OSGIN2: variants seen among roughly 807,000 people sequenced by gnomAD.
OSGIN2 encodes the protein oxidative stress-induced growth inhibitor 2.
A neutral mutation model predicts 53.8 loss-of-function variants in OSGIN2; 19 were observed. That is an observed-to-expected ratio of 0.35 (90% CI 0.25 to 0.52). OSGIN2 has a LOEUF of 0.52. Among genes scored for constraint, OSGIN2 ranks in the 20% least tolerant of loss-of-function variants. The probability of loss-of-function intolerance (pLI) is 0.95; values close to 1 mark genes in which losing one functional copy is unlikely to be tolerated. For missense variants in OSGIN2, 520 were observed against 662.7 expected (o/e 0.78, Z 2.36); for synonymous variants, 236 against 236.0 (o/e 1.00, Z 0.00).
Position 89,924,858 on chromosome 8 carries a change from T to A in OSGIN2, c.976T>A (p.Phe326Ile). Residue 326 changes from phenylalanine to isoleucine, a missense_variant, in exon 6 of 6, where the codon TTT (phenylalanine) becomes ATT (isoleucine). Phe to Ile is a conservative substitution (Grantham distance 21). This residue lies in a region of OSGIN2 where 239 missense variants were observed against 328.3 expected (regional missense o/e 0.73). Transcript: ENST00000451899. The stretch of plus-strand genomic sequence containing the variant: ...TGAAGGGGAAGATTTTCCTTTTGTG[T>A]TTCATTCAATGCCTGAATTTGGAGC... ...EIEGEDFPFV[F>I]HSMPEFGAAI... is the part of the protein sequence containing the mutation. 1 of 1,614,188 alleles carries A rather than the reference T, an allele frequency of 6.2e-7. No individual in the cohort carries two copies. The highest frequency in any genetic ancestry group is 2.2e-5 in the East Asian group (1 of 44,872).
At chr8:89,921,205 T>A in intron 5 of OSGIN2, 34 bp downstream of exon 5, 1 of 1,269,374 alleles carries the variant, frequency 7.9e-7, no homozygotes, top group Non-Finnish European at 1.1e-6. Flanking sequence ...TTCTTTGGTG[T>A]ACGTTGAAAA....
intron 1 of OSGIN2, among the ~76,000 whole-genome samples, chr8:89,907,664 T>A (rs576984545): frequency 6.6e-6 from 1 of 152,230 alleles, no homozygotes; most frequent in South Asian, 2.1e-4. Context: ...ACTGTAGCCC[T>A]GTAGAATAGT....
chr8:89,910,683 A>C (rs1218489549), intron 2 of OSGIN2, among the ~76,000 whole-genome samples: 1 of 152,164 alleles, frequency 6.6e-6, no homozygotes, highest in Non-Finnish European at 1.5e-5. Flanking sequence ...CCTTACCTCT[A>C]ACCTTGGTTT....
chr8:89,905,835 A>T (rs534948407), intron 1 of OSGIN2, among the ~76,000 whole-genome samples: 1 of 152,266 alleles, frequency 6.6e-6, no homozygotes, highest in Non-Finnish European at 1.5e-5. Context: ...TATAAATTCA[A>T]CGGTGTTGCA....
At position 89,914,738 on chromosome 8, in the gene OSGIN2, G is replaced by C; in HGVS notation, c.520G>C (p.Ala174Pro). The change falls in exon 4 of 6, where the codon GCT becomes CCT. Residue 174 changes from alanine to proline, a missense_variant. By Grantham distance (27) the Ala-to-Pro change is conservative. Around this residue, in one of 3 missense-constraint regions of OSGIN2, gnomAD observed 203 missense variants for 275.3 expected, o/e 0.74. Transcript: ENST00000451899. Reference sequence around the variant, plus strand: ...TCTTGGTAAAGGTCCACCTGGTGGGGCTTGGCATGTGAGTATATTTTTCTT... The same window carrying C: ...TCTTGGTAAAGGTCCACCTGGTGGGCCTTGGCATGTGAGTATATTTTTCTT... Reference protein sequence around the residue: ...VVLGKGPPGGAWHNMEGSMLT... With the variant: ...VVLGKGPPGGPWHNMEGSMLT... 6.2e-7 allele frequency: 1 copy of C among 1,612,098 alleles called. No individual in the cohort carries two copies. Among genetic ancestry groups the C allele is most frequent in the South Asian group, 1.1e-5 (1 of 90,962 alleles).
chr8:89,921,057 T>C (rs199657462), intron 4 of OSGIN2, 23 bp from the exon 5 acceptor site: 2 of 724,884 alleles, frequency 2.8e-6, no homozygotes, highest in African/African-American at 3.7e-5. Flanking sequence ...TGACGGTACA[T>C]TTTTTTTTTT....
At chr8:89,916,642 TTC>T (rs780697102) in intron 4 of OSGIN2, among the ~76,000 whole-genome samples, 35 of 152,344 alleles carry the variant, frequency 2.3e-4, no homozygotes, top group African/African-American at 8.2e-4. Flanking sequence ...CTTCATATAG[TTC>T]TCTGTTTCTC....
In OSGIN2 at chr8:89,927,586, TCTC is replaced by T. The variant is rs1374780223; in HGVS notation, c.*2060_*2062del. The T allele has an allele frequency of 2.6e-5, 4 of 152,222 alleles. No homozygotes were observed. Among genetic ancestry groups the T allele is most frequent in the Non-Finnish European group, 4.4e-5 (3 of 68,042 alleles). The allele number at this position is 152,222 out of a possible 1,614,324, so 9.4% of individuals were successfully genotyped here. A position where few individuals can be genotyped will look rare whatever the true frequency, so the allele number is the denominator to read the frequency against. ...GTCTAGTTATAGCATGATGTGAGCA[TCTC>T]CTCCTTATCCCTCGATGCCTGGCTT... On this transcript the variant is annotated 3_prime_UTR_variant, in exon 6 of 6. Transcript: ENST00000451899.
At chr8:89,906,788 A>G (rs1026551750) in intron 1 of OSGIN2, among the ~76,000 whole-genome samples, 5 of 152,202 alleles carry the variant, frequency 3.3e-5, no homozygotes, top group African/African-American at 4.8e-5. Flanking sequence ...TCCTTTGGGT[A>G]TATACCCAGT....
At chr8:89,911,098 T>A (rs1808958264) in intron 2 of OSGIN2, among the ~76,000 whole-genome samples, 1 of 152,160 alleles carries the variant, frequency 6.6e-6, no homozygotes, top group African/African-American at 2.4e-5. Context: ...TAGGGAAGAA[T>A]GTTTCCTTTT....
intron 4 of OSGIN2, among the ~76,000 whole-genome samples, chr8:89,916,823 C>T (rs1586005197): frequency 6.6e-6 from 1 of 152,170 alleles, no homozygotes; most frequent in East Asian, 1.9e-4. Flanking sequence ...ATACCATTCC[C>T]ACTGTAGCCC....
chr8:89,909,037 A>T (rs60057244), intron 1 of OSGIN2, among the ~76,000 whole-genome samples: 4,384 of 81,388 alleles, frequency 0.054, 95 homozygotes, highest in Non-Finnish European at 0.069. Context: ...AAAAAAAAAA[A>T]ATATATATAT....
At chr8:89,903,407 A>C (rs980980320) in intron 1 of OSGIN2, among the ~76,000 whole-genome samples, 1 of 152,222 alleles carries the variant, frequency 6.6e-6, no homozygotes, top group Non-Finnish European at 1.5e-5. Context: ...AAATAAAAGT[A>C]TGTTTTCTAG....
chr8:89,902,564 A>C (rs997627624), upstream of OSGIN2: 2 of 152,736 alleles, frequency 1.3e-5, no homozygotes, highest in African/African-American at 4.8e-5. Flanking sequence ...CCCCGAGATC[A>C]CCCGCCTCCG....
chr8:89,924,480 T>C, intron 5 of OSGIN2, 23 bp from the exon 6 acceptor site: 1 of 1,533,308 alleles, frequency 6.5e-7, no homozygotes, highest in Non-Finnish European at 8.8e-7. Context: ...CCTTATAGGA[T>C]ATTTTTCCTT....
chr8:89,925,801 CT>C lies in OSGIN2; in HGVS notation c.*271del, dbSNP rs1809313494. On this transcript the variant is annotated 3_prime_UTR_variant, in exon 6 of 6. Coordinates refer to ENST00000451899, the MANE Select transcript of OSGIN2 (RefSeq NM_001126111.3). The stretch of plus-strand genomic sequence containing the variant: ...ACTAAAACATTCTTTTCTTGCAAAA[CT>C]TATTTTTCATGATCATTTTTGGTTA... 3 of 345,898 alleles carry C rather than the reference CT, an allele frequency of 8.7e-6. No homozygotes were observed. Among genetic ancestry groups the C allele is most frequent in the Non-Finnish European group, 1.1e-5 (2 of 190,300 alleles). 21.4% of individuals were successfully genotyped at this position (345,898 alleles called of 1,614,324 possible).
Position 89,924,970 on chromosome 8 carries a change from G to C in OSGIN2, c.1088G>C (p.Cys363Ser), listed in dbSNP as rs35599414. The C allele has an allele frequency of 2.2e-3, 3,477 of 1,613,886 alleles. 82 individuals carry two copies. In the African/African-American group the frequency reaches 0.042, roughly 19 times the overall value. Residue 363 changes from cysteine to serine, a missense_variant, in exon 6 of 6, where the codon TGT (cysteine) becomes TCT (serine). By Grantham distance (112) the Cys-to-Ser change is moderately radical. This residue lies in a region of OSGIN2 where 239 missense variants were observed against 328.3 expected (regional missense o/e 0.73). Coordinates refer to ENST00000451899, the MANE Select transcript of OSGIN2 (RefSeq NM_001126111.3). ...CTTACTGCCGCTGACGCAGTACTGT[G>C]TGCTTACAACAGTAATATCCCTGTG... The part of the protein sequence containing the change: ...SGLTAADAVL[C>S]AYNSNIPVIH...
At chr8:89,919,208 C>G (rs1316009151) in intron 4 of OSGIN2, among the ~76,000 whole-genome samples, 1 of 152,040 alleles carries the variant, frequency 6.6e-6, no homozygotes, top group African/African-American at 2.4e-5. Context: ...TTCTCAGTCT[C>G]GAAGATTCAA....
At chr8:89,923,671 C>G (rs1309156538) in intron 5 of OSGIN2, among the ~76,000 whole-genome samples, 4 of 152,294 alleles carry the variant, frequency 2.6e-5, no homozygotes, top group African/African-American at 9.6e-5. Context: ...GCAAGCTAGG[C>G]TAAGCTTTGA....
Sources: allele counts gnomAD v4.1 joint callset (sites outside exome capture counted in the v4.1 genomes callset), GRCh38; gene constraint gnomAD v4.1.1; regional missense constraint gnomAD v4.1.1; transcripts MANE v1.5; gene names NCBI Gene and HGNC (gene_info 2026-07-23, HGNC 2026-07-21).